TMOD3: variants seen among roughly 807,000 people sequenced by gnomAD.
TMOD3 encodes the protein tropomodulin-3.
Under a neutral mutation model 39.2 loss-of-function variants are expected in TMOD3, and 20 were observed. That is an observed-to-expected ratio of 0.51 (90% CI 0.36 to 0.74). The LOEUF (loss-of-function observed/expected upper bound fraction) is 0.74, where lower values mean the gene tolerates loss of function less well. Ranked by LOEUF, TMOD3 falls within the 30% of genes least tolerant of loss-of-function variation. The pLI, the probability that TMOD3 is intolerant of heterozygous loss-of-function variation, is 0.00. For missense variants in TMOD3, 381 were observed against 412.8 expected (o/e 0.92, Z 0.67); for synonymous variants, 143 against 145.8 (o/e 0.98, Z 0.14).
At chr15:51,840,654 T>A (rs1189658938) in intron 1 of TMOD3, among the ~76,000 whole-genome samples, 1 of 152,210 alleles carries the variant, frequency 6.6e-6, no homozygotes, top group Non-Finnish European at 1.5e-5. Context: ...TATAATAATT[T>A]CTCCTGCCCT....
intron 9 of TMOD3, among the ~76,000 whole-genome samples, chr15:51,902,253 G>A (rs1049854901): frequency 9.9e-5 from 15 of 151,964 alleles, no homozygotes; most frequent in African/African-American, 2.7e-4. Context: ...TGTGACAAGC[G>A]TATTTCATAG....
chr15:51,880,916 C>T (rs1029398188), intron 3 of TMOD3, among the ~76,000 whole-genome samples: 10 of 152,134 alleles, frequency 6.6e-5, no homozygotes, highest in South Asian at 2.1e-4. Context: ...AAAGTGGCTG[C>T]GGTATTGTAC....
intron 1 of TMOD3, among the ~76,000 whole-genome samples, chr15:51,830,691 T>C (rs1272560738): frequency 6.6e-6 from 1 of 152,174 alleles, no homozygotes; most frequent in African/African-American, 2.4e-5. Context: ...CAGCCTCCCT[T>C]GGTTTGTAAC....
rs951176923 is a variant in TMOD3 at position 51,909,867 on chromosome 15, A to G, written c.*1057A>G. ...ATTTAATCACTGCTACAAATCTTCC[A>G]ACCAAGAAGGAAAACTGCTATTCTT... On this transcript the variant is annotated 3_prime_UTR_variant, in exon 10 of 10. Coordinates refer to ENST00000308580, the MANE Select transcript of TMOD3 (RefSeq NM_014547.5). The G allele has an allele frequency of 3.3e-5, 5 of 152,252 alleles. No homozygotes were observed. Among genetic ancestry groups the G allele is most frequent in the Non-Finnish European group, 7.3e-5 (5 of 68,048 alleles). 9.4% of individuals were successfully genotyped at this position (152,252 alleles called of 1,614,324 possible).
chr15:51,907,301 T>C (rs771984243), intron 9 of TMOD3: 3 of 152,166 alleles, frequency 2.0e-5, no homozygotes, highest in Admixed American at 6.5e-5. Context: ...GCAATCCCTA[T>C]TTTTATTGAG....
chr15:51,883,559 G>A (rs2056545041), intron 3 of TMOD3, among the ~76,000 whole-genome samples: 1 of 152,012 alleles, frequency 6.6e-6, no homozygotes, highest in Non-Finnish European at 1.5e-5. Context: ...ATACATATTA[G>A]CTCACATACT....
chr15:51,865,373 C>T (rs1212824537), intron 2 of TMOD3, among the ~76,000 whole-genome samples: 1 of 152,092 alleles, frequency 6.6e-6, no homozygotes. Flanking sequence ...TCAGTTATTA[C>T]AATTAGGGAA....
At chr15:51,899,195 A>G (rs2056636600) in intron 7 of TMOD3, 1 of 152,224 alleles carries the variant, frequency 6.6e-6, no homozygotes, top group South Asian at 2.1e-4. Flanking sequence ...CTACAGCAAG[A>G]CCCAAATAAG....
At chr15:51,875,771 A>T (rs998579889) in intron 3 of TMOD3, among the ~76,000 whole-genome samples, 12 of 151,680 alleles carry the variant, frequency 7.9e-5, no homozygotes, top group Admixed American at 1.3e-4. Context: ...AGCCGCCACC[A>T]TGCCCAGCTA....
intron 1 of TMOD3, among the ~76,000 whole-genome samples, chr15:51,842,249 C>G (rs1197448831): frequency 6.6e-6 from 1 of 152,134 alleles, no homozygotes; most frequent in Non-Finnish European, 1.5e-5. Flanking sequence ...GTGAATACCC[C>G]TCTCCCCTTA....
chr15:51,893,715 A>G, intron 5 of TMOD3, 100 bp from the exon 6 acceptor site: 1 of 1,187,462 alleles, frequency 8.4e-7, no homozygotes, highest in Non-Finnish European at 1.1e-6. Context: ...CAGTGAGCCG[A>G]GATCGTGCCA....
chr15:51,911,803 G>A lies in TMOD3; in HGVS notation c.*2993G>A, dbSNP rs1340779299. The A allele has an allele frequency of 6.6e-6, 1 of 152,086 alleles. No individual in the cohort carries two copies. Among genetic ancestry groups the A allele is most frequent in the Non-Finnish European group, 1.5e-5 (1 of 68,024 alleles). 9.4% of individuals were successfully genotyped at this position (152,086 alleles called of 1,614,324 possible). ...ATTAATACTATTAAAATGGATTTTG[G>A]TGCTATATTCTTGTAGCTAAAGCCT... is the stretch of plus-strand genomic sequence containing the variant. On this transcript the variant is annotated 3_prime_UTR_variant, in exon 10 of 10. Transcript: ENST00000308580.
In TMOD3 at chr15:51,915,183, G is replaced by A. The variant is rs943739084; in HGVS notation, c.*6373G>A. 6.6e-6 allele frequency: 1 copy of A among 151,878 alleles called. No homozygotes were observed. The highest frequency in any genetic ancestry group is 1.5e-5 in the Non-Finnish European group (1 of 67,976). 9.4% of individuals were successfully genotyped at this position (151,878 alleles called of 1,614,324 possible). On this transcript the variant is annotated 3_prime_UTR_variant, in exon 10 of 10. Coordinates refer to ENST00000308580, the MANE Select transcript of TMOD3 (RefSeq NM_014547.5). ...ATAGTCTATACATTCAGAAAGTAAG[G>A]TTTAAGAATGAATTATTGGTGCTTC...
chr15:51,881,955 C>T (rs538256187), intron 3 of TMOD3, among the ~76,000 whole-genome samples: 25 of 151,402 alleles, frequency 1.7e-4, no homozygotes, highest in East Asian at 1.0e-3. Flanking sequence ...AGTACAGTGG[C>T]GCAATCTCAG....
chr15:51,876,998 T>C (rs1390179214), intron 3 of TMOD3, among the ~76,000 whole-genome samples: 3 of 152,048 alleles, frequency 2.0e-5, no homozygotes, highest in African/African-American at 7.2e-5. Context: ...ACGAGTTCAT[T>C]GCTGCAGTGA....
chr15:51,859,281 C>T (rs982319799), intron 1 of TMOD3: 44 of 736,398 alleles, frequency 6.0e-5, no homozygotes, highest in Admixed American at 5.9e-4. Context: ...GATCTGTCTG[C>T]AGTTTTCAGG....
At chr15:51,897,973 G>A (rs1003706323) in intron 7 of TMOD3, among the ~76,000 whole-genome samples, 1 of 151,892 alleles carries the variant, frequency 6.6e-6, no homozygotes, top group African/African-American at 2.4e-5. Flanking sequence ...TCCTAATTGG[G>A]TTACCTTCAT....
chr15:51,870,653 T>C (rs904397991), intron 3 of TMOD3, among the ~76,000 whole-genome samples: 2 of 152,208 alleles, frequency 1.3e-5, no homozygotes, highest in Non-Finnish European at 2.9e-5. Flanking sequence ...CCGTAAGCTC[T>C]GCACCTGACT....
At chr15:51,831,078 C>T (rs1160741502) in intron 1 of TMOD3, among the ~76,000 whole-genome samples, 6 of 152,126 alleles carry the variant, frequency 3.9e-5, no homozygotes, top group African/African-American at 1.2e-4. Context: ...CTAAATATCT[C>T]TCGTTTTTAA....
Sources: gnomAD v4.1 joint callset for allele counts (sites outside exome capture counted in the v4.1 genomes callset) on GRCh38, gnomAD v4.1.1 for gene constraint, MANE v1.5 for transcripts, NCBI Gene and HGNC (gene_info 2026-07-23, HGNC 2026-07-21) for gene names.